The following GPR39 variants were observed in gnomAD, a reference collection of about 807,000 sequenced individuals.
GPR39 encodes the protein zinc sensing receptor.
In GPR39, 23 loss-of-function variants were observed where a neutral mutation model predicts 18.4. The observed-to-expected ratio is 1.25, with a 90% CI of 0.90 to 1.77. The LOEUF (loss-of-function observed/expected upper bound fraction) is 1.77, where lower values mean the gene tolerates loss of function less well. GPR39 is among the 40% of genes most tolerant of loss of function. The pLI is 0.00. For synonymous variants in GPR39, 280 were observed against 257.9 expected (o/e 1.09, Z -0.82); for missense variants, 647 against 602.4 (o/e 1.07, Z -0.78).
Position 132,580,948 on chromosome 2 carries a change from G to A in GPR39, c.857-64153G>A, listed in dbSNP as rs188728623. 1.5e-3 allele frequency among the ~76,000 whole-genome samples: 224 copies of A among 145,212 alleles called. 1 individual carries two copies. Among genetic ancestry groups the A allele is most frequent in the Middle Eastern group, 3.4e-3 (1 of 290 alleles). On this transcript the variant is annotated intron_variant, in intron 1 of 1. Coordinates refer to ENST00000329321, the MANE Select transcript of GPR39 (RefSeq NM_001508.3). The stretch of plus-strand genomic sequence containing the variant: ...TTACACTCCATTCTGGCAACAGAGT[G>A]GGACTCTGTCTCAAAAAAAAAAAAC...
intron 1 of GPR39, among the ~76,000 whole-genome samples, chr2:132,426,591 TGCTGAA>T (rs1680122009): frequency 6.6e-6 from 1 of 152,228 alleles, no homozygotes; most frequent in African/African-American, 2.4e-5. Context: ...CCAACCCTGG[TGCTGAA>T]GCAAGTCTGA....
At chr2:132,615,960 C>T (rs1022881318) in intron 1 of GPR39, among the ~76,000 whole-genome samples, 26 of 146,912 alleles carry the variant, frequency 1.8e-4, no homozygotes, top group African/African-American at 6.3e-4. Context: ...TTTTTGGACC[C>T]AGTTATTTTA....
At chr2:132,554,809 A>G (rs760233921) in intron 1 of GPR39, among the ~76,000 whole-genome samples, 7 of 152,242 alleles carry the variant, frequency 4.6e-5, no homozygotes, top group Non-Finnish European at 1.0e-4. Context: ...TAAATCAACA[A>G]TAAGTAATGC....
chr2:132,584,000 CAT>C (rs1380194746), intron 1 of GPR39, among the ~76,000 whole-genome samples: 4 of 151,958 alleles, frequency 2.6e-5, no homozygotes, highest in Non-Finnish European at 5.9e-5. Flanking sequence ...AGAGAAAAGA[CAT>C]AGACCACACC....
chr2:132,488,898 G>A (rs780840161), intron 1 of GPR39: 5 of 155,652 alleles, frequency 3.2e-5, no homozygotes, highest in Non-Finnish European at 4.3e-5. Context: ...GTGATTGCCC[G>A]CAGGTTATCT....
chr2:132,455,278 T>C (rs1412678739), intron 1 of GPR39, among the ~76,000 whole-genome samples: 1 of 152,208 alleles, frequency 6.6e-6, no homozygotes, highest in African/African-American at 2.4e-5. Context: ...TAGAGGTGTT[T>C]ATAGTATTCT....
intron 1 of GPR39, among the ~76,000 whole-genome samples, chr2:132,458,700 T>A (rs1680779963): frequency 6.6e-6 from 1 of 152,078 alleles, no homozygotes; most frequent in Non-Finnish European, 1.5e-5. Context: ...CTTTGAATTT[T>A]CCCCCCAGGC....
At chr2:132,564,416 T>C (rs1412223300) in intron 1 of GPR39, among the ~76,000 whole-genome samples, 1 of 152,182 alleles carries the variant, frequency 6.6e-6, no homozygotes, top group Non-Finnish European at 1.5e-5. Flanking sequence ...TTCTGGGTCA[T>C]TTCTTATGGC....
At chr2:132,615,936 CTTTTTT>C (rs35978559) in intron 1 of GPR39, among the ~76,000 whole-genome samples, 5 of 134,136 alleles carry the variant, frequency 3.7e-5, no homozygotes, top group Non-Finnish European at 4.8e-5. Context: ...CATTCCAGCT[CTTTTTT>C]TTTTTTTTTT....
At chr2:132,486,242 T>C (rs960593090) in intron 1 of GPR39, among the ~76,000 whole-genome samples, 1 of 152,210 alleles carries the variant, frequency 6.6e-6, no homozygotes, top group Admixed American at 6.5e-5. Context: ...GTTCCATTCA[T>C]AGAACACAGA....
chr2:132,602,901 T>C (rs992977867), intron 1 of GPR39, among the ~76,000 whole-genome samples: 1 of 145,468 alleles, frequency 6.9e-6, no homozygotes, highest in Non-Finnish European at 1.5e-5. Context: ...GCTAGTGAGA[T>C]TGTAAAGGAA....
intron 1 of GPR39, among the ~76,000 whole-genome samples, chr2:132,422,183 A>G (rs1469037836): frequency 1.3e-5 from 2 of 152,118 alleles, no homozygotes; most frequent in African/African-American, 4.8e-5. Context: ...ATTCTTTGTT[A>G]TTTAAATCAC....
intron 1 of GPR39, among the ~76,000 whole-genome samples, chr2:132,574,368 A>G (rs1680495376): frequency 6.6e-6 from 1 of 152,214 alleles, no homozygotes; most frequent in South Asian, 2.1e-4. Context: ...TTGTATTTCA[A>G]CTTCTAAAAA....
At chr2:132,517,184 T>TA (rs1480214117) in intron 1 of GPR39, among the ~76,000 whole-genome samples, 1 of 151,992 alleles carries the variant, frequency 6.6e-6, no homozygotes, top group African/African-American at 2.4e-5. Flanking sequence ...TTAGGCTACT[T>TA]CTGTGTCAAA....
chr2:132,594,269 A>G (rs1293109581), intron 1 of GPR39, among the ~76,000 whole-genome samples: 1 of 152,122 alleles, frequency 6.6e-6, no homozygotes, highest in Non-Finnish European at 1.5e-5. Flanking sequence ...ACCATTCATT[A>G]AAAGGAAACA....
intron 1 of GPR39, among the ~76,000 whole-genome samples, chr2:132,644,279 A>G (rs891369748): frequency 3.3e-5 from 5 of 152,264 alleles, no homozygotes; most frequent in African/African-American, 4.8e-5. Flanking sequence ...GATCTACAGA[A>G]GGGCCTTTGA....
Position 132,417,376 on chromosome 2 carries a change from A to G in GPR39, c.334A>G (p.Thr112Ala). The G allele has an allele frequency of 6.2e-7, 1 of 1,614,110 alleles. No homozygotes were observed. Among genetic ancestry groups the G allele is most frequent in the Non-Finnish European group, 8.5e-7 (1 of 1,179,998 alleles). Residue 112 changes from threonine (T) to alanine (A), a missense_variant, in exon 1 of 2, where the codon ACT becomes GCT. By Grantham distance (58) the Thr-to-Ala change is moderately conservative. Transcript: ENST00000329321. ...SSYTLSCKLHTFLFEACSYAT... is the reference protein window; with the variant it reads ...SSYTLSCKLHAFLFEACSYAT... ...CTACACCCTGTCCTGCAAGCTGCAC[A>G]CTTTCCTCTTCGAGGCCTGCAGCTA...
At chr2:132,548,749 T>C (rs969162109) in intron 1 of GPR39, among the ~76,000 whole-genome samples, 1 of 152,220 alleles carries the variant, frequency 6.6e-6, no homozygotes, top group Non-Finnish European at 1.5e-5. Flanking sequence ...AGGGATCAAA[T>C]AATTATGTAC....
At chr2:132,644,683 T>TACAAACAA (rs3043654) in intron 1 of GPR39, among the ~76,000 whole-genome samples, 1 of 151,744 alleles carries the variant, frequency 6.6e-6, no homozygotes, top group Non-Finnish European at 1.5e-5. Flanking sequence ...TCCTTTAAAA[T>TACAAACAA]ACAAACACTG....
Sources: allele counts gnomAD v4.1 joint callset (sites outside exome capture counted in the v4.1 genomes callset), GRCh38; gene constraint gnomAD v4.1.1; transcripts MANE v1.5; gene names NCBI Gene and HGNC (gene_info 2026-07-23, HGNC 2026-07-21).